The following FMNL2 variants were observed in gnomAD, a reference collection of about 807,000 sequenced individuals.
The protein encoded by FMNL2 is formin like 2, also known as formin-like protein 2.
Under a neutral mutation model 130.2 loss-of-function variants are expected in FMNL2, and 51 were observed. That is an observed-to-expected ratio of 0.39 (90% CI 0.31 to 0.49). FMNL2 has a LOEUF of 0.49. Ranked by LOEUF, FMNL2 falls within the 20% of genes least tolerant of loss-of-function variation. The pLI, the probability that FMNL2 is intolerant of heterozygous loss-of-function variation, is 0.85. For missense variants in FMNL2, 977 were observed against 1,316.2 expected (o/e 0.74, Z 3.99); for synonymous variants, 465 against 467.1 (o/e 1.00, Z 0.06).
In FMNL2 at chr2:152,578,900, A is replaced by G. The variant is rs1696623256; in HGVS notation, c.718A>G (p.Met240Val). Residue 240 changes from methionine (M) to valine (V), a missense_variant, in exon 8 of 26, where the codon ATG becomes GTG. Around this residue, in one of 4 missense-constraint regions of FMNL2, gnomAD observed 689 missense variants for 995.9 expected, o/e 0.69. Transcript: ENST00000288670. ...AIMNYQYGFN[M>V]VMSHPHAVNE... Reference sequence around the variant, plus strand: ...ATGTTAATTTTAGTATGGTTTCAACATGGTCATGTCTCATCCACACGCTGT... The same window carrying G: ...ATGTTAATTTTAGTATGGTTTCAACGTGGTCATGTCTCATCCACACGCTGT... 6.2e-7 allele frequency: 1 copy of G among 1,612,208 alleles called. No homozygotes were observed. Among genetic ancestry groups the G allele is most frequent in the Admixed American group, 1.7e-5 (1 of 59,854 alleles).
At chr2:152,367,921 T>C (rs1489899425) in intron 1 of FMNL2, among the ~76,000 whole-genome samples, 1 of 152,206 alleles carries the variant, frequency 6.6e-6, no homozygotes, top group African/African-American at 2.4e-5. Flanking sequence ...TTGCCCTTTG[T>C]AAATGTTGGC....
At chr2:152,634,203 C>T (rs1294417629) in intron 21 of FMNL2, among the ~76,000 whole-genome samples, 3 of 152,162 alleles carry the variant, frequency 2.0e-5, no homozygotes, top group Non-Finnish European at 4.4e-5. Context: ...GAGGCTGAGG[C>T]GGGCGGATCA....
chr2:152,339,087 G>A (rs1284148943), intron 1 of FMNL2, among the ~76,000 whole-genome samples: 1 of 152,204 alleles, frequency 6.6e-6, no homozygotes, highest in Non-Finnish European at 1.5e-5. Context: ...ATTAACCATT[G>A]TCTAATTTTG....
intron 7 of FMNL2, among the ~76,000 whole-genome samples, chr2:152,577,706 A>G (rs1558978106): frequency 6.6e-6 from 1 of 152,182 alleles, no homozygotes; most frequent in Non-Finnish European, 1.5e-5. Context: ...AAGTCAAGTA[A>G]GATGTGGAGT....
chr2:152,618,410 C>T (rs545302117), intron 13 of FMNL2, among the ~76,000 whole-genome samples: 10 of 152,042 alleles, frequency 6.6e-5, no homozygotes, highest in Non-Finnish European at 1.3e-4. Context: ...ATTTTTAATC[C>T]CAGTCTGATT....
chr2:152,357,074 A>G (rs6757879), intron 1 of FMNL2, among the ~76,000 whole-genome samples: 60,081 of 99,410 alleles, frequency 0.6, 20,503 homozygotes, highest in Non-Finnish European at 0.73. Context: ...TAAGTTTAAT[A>G]TATCACGATA....
intron 1 of FMNL2, among the ~76,000 whole-genome samples, chr2:152,347,545 G>A (rs1408598945): frequency 1.3e-5 from 2 of 152,126 alleles, no homozygotes; most frequent in Non-Finnish European, 2.9e-5. Flanking sequence ...GGGGAGGGAT[G>A]GCCACAGAGA....
chr2:152,391,256 A>C (rs1262931496), intron 1 of FMNL2, among the ~76,000 whole-genome samples: 1 of 152,240 alleles, frequency 6.6e-6, no homozygotes, highest in Non-Finnish European at 1.5e-5. Context: ...TCAAAGGATG[A>C]CTTAGAGAAT....
At chr2:152,438,260 A>T (rs1461195368) in intron 1 of FMNL2, among the ~76,000 whole-genome samples, 1 of 152,192 alleles carries the variant, frequency 6.6e-6, no homozygotes, top group Non-Finnish European at 1.5e-5. Flanking sequence ...TTATTTACTC[A>T]CTGTTTTTCT....
At chr2:152,536,532 C>A (rs1694004314) in intron 2 of FMNL2, among the ~76,000 whole-genome samples, 1 of 152,152 alleles carries the variant, frequency 6.6e-6, no homozygotes, top group Non-Finnish European at 1.5e-5. Flanking sequence ...AAACAACGCC[C>A]TTTAAATTGT....
At chr2:152,448,629 A>G (rs1688478443) in intron 1 of FMNL2, among the ~76,000 whole-genome samples, 1 of 152,226 alleles carries the variant, frequency 6.6e-6, no homozygotes, top group Admixed American at 6.5e-5. Flanking sequence ...TGTAAATTGA[A>G]TACTATCTGA....
chr2:152,445,548 A>C (rs1409186820), intron 1 of FMNL2, among the ~76,000 whole-genome samples: 1 of 152,196 alleles, frequency 6.6e-6, no homozygotes, highest in Non-Finnish European at 1.5e-5. Context: ...TTTAGAGTTT[A>C]ATAGTCACAG....
chr2:152,396,291 A>G (rs772636711), intron 1 of FMNL2, among the ~76,000 whole-genome samples: 3 of 152,204 alleles, frequency 2.0e-5, no homozygotes, highest in South Asian at 2.1e-4. Flanking sequence ...CTTAGAAGTC[A>G]TATACTATAC....
chr2:152,490,737 A>G (rs1558908371), intron 1 of FMNL2, among the ~76,000 whole-genome samples: 1 of 116,028 alleles, frequency 8.6e-6, no homozygotes, highest in Admixed American at 1.2e-4. Context: ...GAGTTTAAGG[A>G]AAAAAAAAAA....
In FMNL2 at chr2:152,601,667, CTTTCTTTTT is replaced by C. The variant is rs1340343564; in HGVS notation, c.877-5668_877-5660del. Among the ~76,000 whole-genome samples the C allele has an allele frequency of 6.0e-4, 80 of 132,238 alleles. 2 individuals carry two copies. The East Asian group carries it at 0.018, about 29-fold the overall frequency. 86.8% of individuals were successfully genotyped at this position (132,238 alleles called of 152,430 possible). On this transcript the variant is annotated intron_variant, in intron 9 of 25. Coordinates refer to ENST00000288670, the MANE Select transcript of FMNL2 (RefSeq NM_052905.4). ...CTAAGGCTCTCTTTTCTTTTCTTTT[CTTTCTTTTT>C]TTTTTTTTTTTGAGACAGAGTCTCA...
At chr2:152,551,081 A>G (rs1694912041) in intron 4 of FMNL2, among the ~76,000 whole-genome samples, 1 of 150,768 alleles carries the variant, frequency 6.6e-6, no homozygotes, top group African/African-American at 2.4e-5. Context: ...GGAAGTTGCA[A>G]GTGAGCCGAG....
intron 13 of FMNL2, 93 bp from the exon 14 acceptor site, chr2:152,618,753 C>CT: frequency 3.5e-6 from 4 of 1,136,020 alleles, no homozygotes; most frequent in Non-Finnish European, 4.9e-6. Context: ...ATATGAGTAT[C>CT]TTTTTTTCTC....
At chr2:152,448,816 C>T (rs954792969) in intron 1 of FMNL2, among the ~76,000 whole-genome samples, 1 of 152,190 alleles carries the variant, frequency 6.6e-6, no homozygotes, top group African/African-American at 2.4e-5. Flanking sequence ...TTTGATAAGA[C>T]GTTTAAGCTT....
chr2:152,558,885 T>C lies in FMNL2; in HGVS notation c.443+62T>C, dbSNP rs1695377471. 7 of 1,432,042 alleles carry C rather than the reference T, an allele frequency of 4.9e-6. No homozygotes were observed. The East Asian group carries it at 1.6e-4, about 33-fold the overall frequency. The allele number at this position is 1,432,042 out of a possible 1,614,324, so 88.7% of individuals were successfully genotyped here. Reference sequence around the variant, plus strand: ...TGTGGTCACAGCAGATGCTACTCAGTGGTAAAATTATACACCACAGAGAGG... The same window carrying C: ...TGTGGTCACAGCAGATGCTACTCAGCGGTAAAATTATACACCACAGAGAGG... On this transcript the variant is annotated intron_variant, in intron 5 of 25. Coordinates refer to ENST00000288670, the MANE Select transcript of FMNL2 (RefSeq NM_052905.4).
Sources: gnomAD v4.1 joint callset for allele counts (sites outside exome capture counted in the v4.1 genomes callset) on GRCh38, gnomAD v4.1.1 for gene constraint, gnomAD v4.1.1 regional missense constraint, MANE v1.5 for transcripts, NCBI Gene and HGNC (gene_info 2026-07-23, HGNC 2026-07-21) for gene names.